RPTOR: variants seen among roughly 807,000 people sequenced by gnomAD.
RPTOR encodes the protein regulatory associated protein of MTOR complex 1.
RPTOR carries 21 observed loss-of-function variants against 169.9 expected under a neutral mutation model. The ratio of observed to expected loss-of-function variants is 0.12; its 90% CI spans 0.09 to 0.18. The LOEUF is 0.18. Ranked by LOEUF, RPTOR falls within the 10% of genes least tolerant of loss-of-function variation. The pLI is 1.00. For synonymous variants in RPTOR, 732 were observed against 753.2 expected, an observed-to-expected ratio of 0.97 and a Z score of 0.46; for missense variants, 1,133 against 1,855.9, an observed-to-expected ratio of 0.61 and a Z score of 7.16.
At chr17:80,767,274 G>C (rs2066797389) in intron 6 of RPTOR, among the ~76,000 whole-genome samples, 1 of 152,198 alleles carries the variant, frequency 6.6e-6, no homozygotes, top group Admixed American at 6.5e-5. Flanking sequence ...GGGAGGCTGA[G>C]GTGGGAGGAT....
chr17:80,885,754 G>A (rs866305547), intron 17 of RPTOR, among the ~76,000 whole-genome samples: 4 of 152,158 alleles, frequency 2.6e-5, no homozygotes, highest in South Asian at 2.1e-4. Context: ...TGTTAGCCAG[G>A]ATGGTCTCGA....
intron 1 of RPTOR, among the ~76,000 whole-genome samples, chr17:80,605,348 G>T (rs1352523592): frequency 6.6e-6 from 1 of 152,140 alleles, no homozygotes; most frequent in East Asian, 1.9e-4. Context: ...AACCTCTCAG[G>T]TTTTATTTCT....
chr17:80,662,542 T>TG (rs35400483), intron 3 of RPTOR, among the ~76,000 whole-genome samples: 22,712 of 151,662 alleles, frequency 0.15, 1,897 homozygotes, highest in Non-Finnish European at 0.18. Flanking sequence ...TGCCTCTGGG[T>TG]GGGGCCACAG....
chr17:80,883,511 C>G, intron 15 of RPTOR, 27 bp downstream of exon 15: 1 of 1,610,236 alleles, frequency 6.2e-7, no homozygotes, highest in Non-Finnish European at 8.5e-7. Context: ...CCCCCAGCCC[C>G]AGAGCTCACC....
At chr17:80,702,035 C>T (rs1237192477) in intron 3 of RPTOR, among the ~76,000 whole-genome samples, 1 of 152,142 alleles carries the variant, frequency 6.6e-6, no homozygotes, top group Non-Finnish European at 1.5e-5. Context: ...CTGAAGTCTG[C>T]ACTTGTATGA....
chr17:80,687,286 CCCA>C (rs2065955732), intron 3 of RPTOR, among the ~76,000 whole-genome samples: 1 of 152,236 alleles, frequency 6.6e-6, no homozygotes. Flanking sequence ...TGTCTCTCCT[CCCA>C]CCACACCATC....
In RPTOR at chr17:80,754,029, A is replaced by T. The variant is rs918244890; in HGVS notation, c.674A>T (p.Asn225Ile). 6.2e-7 allele frequency: 1 copy of T among 1,613,666 alleles called. No individual in the cohort carries two copies. Among genetic ancestry groups the T allele is most frequent in the African/African-American group, 1.3e-5 (1 of 74,894 alleles). The change falls in exon 6 of 34, where the codon AAT (asparagine) becomes ATT (isoleucine). Residue 225 changes from asparagine (N) to isoleucine (I), a missense_variant. By Grantham distance (149) the Asn-to-Ile change is moderately radical. Transcript: ENST00000306801. The surrounding 1 kb of genome is among the most constrained non-coding windows in gnomAD (Gnocchi z 4.2). ...CTTCAGGTAGCTGCAATCAACCCAA[A>T]TCACCCTCTTGCTCAGATGCCTTTG... is the stretch of plus-strand genomic sequence containing the variant. Reference protein sequence around the residue: ...QELEVAAINPNHPLAQMPLPP... With the variant: ...QELEVAAINPIHPLAQMPLPP...
At chr17:80,606,838 G>A (rs547568294) in intron 1 of RPTOR, among the ~76,000 whole-genome samples, 6 of 152,092 alleles carry the variant, frequency 3.9e-5, no homozygotes, top group South Asian at 2.1e-4. Flanking sequence ...GTGAGTATCC[G>A]TTTAATTGCA....
intron 9 of RPTOR, among the ~76,000 whole-genome samples, chr17:80,837,215 T>A (rs1040248748): frequency 5.9e-5 from 9 of 152,238 alleles, no homozygotes; most frequent in Middle Eastern, 3.4e-3. Flanking sequence ...CGGGGTCATC[T>A]GTGGAGCCAC....
At chr17:80,663,262 G>A (rs952671556) in intron 3 of RPTOR, among the ~76,000 whole-genome samples, 3 of 152,180 alleles carry the variant, frequency 2.0e-5, no homozygotes, top group African/African-American at 7.2e-5. Flanking sequence ...GCTGCCATGA[G>A]TGTTGGGGTG....
At chr17:80,882,047 TG>T (rs1341230452) in intron 14 of RPTOR, among the ~76,000 whole-genome samples, 1 of 152,216 alleles carries the variant, frequency 6.6e-6, no homozygotes, top group Non-Finnish European at 1.5e-5. Context: ...AGACATGCAC[TG>T]TTATTGAAAA....
In RPTOR at chr17:80,708,970, T is replaced by A. The variant is rs1459402740; in HGVS notation, c.507+971T>A. 1 of 985,818 alleles carries A rather than the reference T, an allele frequency of 1.0e-6. No homozygotes were observed. Among genetic ancestry groups the A allele is most frequent in the Non-Finnish European group, 1.2e-6 (1 of 829,958 alleles). 61.1% of individuals were successfully genotyped at this position (985,818 alleles called of 1,614,324 possible). ...ACTCTGACTCCGTTTCTTCACACAC[T>A]GAACTCTCGGTTCCCGCCTACCGTC... On this transcript the variant is annotated intron_variant, in intron 4 of 33. Coordinates refer to ENST00000306801, the MANE Select transcript of RPTOR (RefSeq NM_020761.3). The surrounding 1 kb of genome is among the most constrained non-coding windows in gnomAD (Gnocchi z 4.2).
At chr17:80,833,126 T>G (rs894553973) in intron 9 of RPTOR, among the ~76,000 whole-genome samples, 1 of 152,138 alleles carries the variant, frequency 6.6e-6, no homozygotes, top group African/African-American at 2.4e-5. Flanking sequence ...GCGCTCTGAC[T>G]GATCAGCGCA....
chr17:80,838,662 A>C (rs76980348), intron 10 of RPTOR, among the ~76,000 whole-genome samples: 7,067 of 152,320 alleles, frequency 0.046, 182 homozygotes, highest in East Asian at 0.11. Context: ...GCAAGGGAGC[A>C]ATCGGCAAGA....
At chr17:80,681,806 C>T (rs1258696959) in intron 3 of RPTOR, among the ~76,000 whole-genome samples, 2 of 52,568 alleles carry the variant, frequency 3.8e-5, no homozygotes, top group African/African-American at 1.2e-4. Context: ...ACGTCTCTTA[C>T]ACCTTCTTGA....
chr17:80,905,658 C>T (rs2068532646), intron 20 of RPTOR, among the ~76,000 whole-genome samples: 1 of 152,176 alleles, frequency 6.6e-6, no homozygotes, highest in Non-Finnish European at 1.5e-5. Flanking sequence ...CACCCCCACC[C>T]CGCCCTGCAC....
At chr17:80,799,240 A>AATAAAAC (rs1181040036) in intron 7 of RPTOR, among the ~76,000 whole-genome samples, 1 of 152,236 alleles carries the variant, frequency 6.6e-6, no homozygotes, top group Non-Finnish European at 1.5e-5. Flanking sequence ...TTTACGTTTT[A>AATAAAAC]GCAGTTCATT....
At chr17:80,819,737 A>G (rs1644476055) in intron 7 of RPTOR, among the ~76,000 whole-genome samples, 1 of 152,208 alleles carries the variant, frequency 6.6e-6, no homozygotes, top group South Asian at 2.1e-4. Context: ...GCTGCCTTAG[A>G]ATGGGGGCTC....
At chr17:80,558,586 A>G (rs1207617181) in intron 1 of RPTOR, among the ~76,000 whole-genome samples, 2 of 152,232 alleles carry the variant, frequency 1.3e-5, no homozygotes, top group Non-Finnish European at 2.9e-5. Context: ...CAGATTGTTT[A>G]CATCTCGCCT....
Sources: allele counts gnomAD v4.1 joint callset (sites outside exome capture counted in the v4.1 genomes callset), GRCh38; gene constraint gnomAD v4.1.1; non-coding constraint Gnocchi (gnomAD v3.1); transcripts MANE v1.5; gene names NCBI Gene and HGNC (gene_info 2026-07-23, HGNC 2026-07-21).